The following SF3A3 variants were observed in gnomAD, a reference collection of about 807,000 sequenced individuals.
SF3A3 encodes splicing factor 3a subunit 3, also known as SAP 61.
A neutral mutation model predicts 85.8 loss-of-function variants in SF3A3; 9 were observed. The observed-to-expected ratio is 0.10, with a 90% CI of 0.06 to 0.18. SF3A3 has a LOEUF of 0.18. Ranked by LOEUF, SF3A3 falls within the 10% of genes least tolerant of loss-of-function variation. The probability of loss-of-function intolerance (pLI) is 1.00; values close to 1 mark genes in which losing one functional copy is unlikely to be tolerated. For synonymous variants in SF3A3, 195 were observed against 204.4 expected (o/e 0.95, Z 0.39); for missense variants, 306 against 593.3 (o/e 0.52, Z 5.03).
chr1:37,986,606 T>TA (rs529308156), intron 4 of SF3A3, among the ~76,000 whole-genome samples: 71 of 152,076 alleles, frequency 4.7e-4, no homozygotes, highest in African/African-American at 1.6e-3. Context: ...GGTCAGGAGA[T>TA]AGAGACTATC....
In SF3A3 at chr1:37,969,698, T is replaced by C. The variant is rs1646325327; in HGVS notation, c.1043A>G (p.Lys348Arg). The C allele has an allele frequency of 6.2e-7, 1 of 1,614,196 alleles. No individual in the cohort carries two copies. The highest frequency in any genetic ancestry group is 8.5e-7 in the Non-Finnish European group (1 of 1,180,022). The change falls in exon 13 of 17, where the codon AAG becomes AGG. Residue 348 changes from lysine to arginine, a missense_variant. Physicochemically the swap from Lys to Arg is conservative, Grantham distance 26. Around this residue, in one of 4 missense-constraint regions of SF3A3, gnomAD observed 136 missense variants for 296.6 expected, o/e 0.46. Transcript: ENST00000373019. Reference sequence around the variant, plus strand: ...TCGCTCTTCTCCTGTCCTGGCTTGCTTGCGCTGTACATTTTCATGAGTGAG... The same window carrying C: ...TCGCTCTTCTCCTGTCCTGGCTTGCCTGCGCTGTACATTTTCATGAGTGAG... ...RHLTHENVQR[K>R]QARTGEEREE... is the part of the protein sequence containing the mutation.
chr1:37,989,116 G>T (rs1250253240), intron 2 of SF3A3, among the ~76,000 whole-genome samples: 1 of 151,786 alleles, frequency 6.6e-6, no homozygotes, highest in Non-Finnish European at 1.5e-5. Flanking sequence ...ATGTTTAGTA[G>T]AAACTCCGTC....
chr1:37,957,402 TGA>T lies in SF3A3; in HGVS notation c.*782_*783del. 1 of 133,284 alleles carries T rather than the reference TGA, an allele frequency of 7.5e-6. No individual in the cohort carries two copies. Among genetic ancestry groups the T allele is most frequent in the Non-Finnish European group, 1.6e-5 (1 of 62,144 alleles). 8.3% of individuals were successfully genotyped at this position (133,284 alleles called of 1,614,324 possible). On this transcript the variant is annotated 3_prime_UTR_variant, in exon 17 of 17. Coordinates refer to ENST00000373019, the MANE Select transcript of SF3A3 (RefSeq NM_006802.4). Reference sequence around the variant, plus strand: ...CCCCCCCCCCCCCTTTTTTTTTTTTTGAGATGGGGCCTCACTATATCGCCCAG... The same window carrying T: ...CCCCCCCCCCCCCTTTTTTTTTTTTTGATGGGGCCTCACTATATCGCCCAG...
At chr1:37,978,639 A>T in intron 11 of SF3A3, 81 bp downstream of exon 11, 1 of 826,490 alleles carries the variant, frequency 1.2e-6, no homozygotes, top group Non-Finnish European at 1.9e-6. Context: ...AGCAGGCTTT[A>T]AAGTCTCCAC....
At chr1:37,981,956 G>C (rs1304430601) in intron 6 of SF3A3, 145 bp from the exon 7 acceptor site, 5 of 568,380 alleles carry the variant, frequency 8.8e-6, no homozygotes, top group Non-Finnish European at 1.5e-5. Context: ...TTTTTTGCTT[G>C]CCTATCATTC....
rs150561786 is a variant in SF3A3, at chr1:37,969,447, C to G, written c.1188G>C (p.Leu396=). The G allele has an allele frequency of 3.1e-6, 5 of 1,613,432 alleles. No individual in the cohort carries two copies. The highest frequency in any genetic ancestry group is 3.3e-5 in the Admixed American group (2 of 60,008). ...TGATATTTAGGCCATGAAGCTTATA[C>G]AGCCAGTAGGGAATAGGCTAAAAAA... The part of the protein sequence containing the change: ...GWDGKPIPYW[L]YKLHGLNINY... Residue 396 remains leucine (L), a synonymous_variant, in exon 14 of 17, where the codon CTG becomes CTC. Transcript: ENST00000373019.
intron 15 of SF3A3, among the ~76,000 whole-genome samples, chr1:37,967,282 G>A (rs549066083): frequency 3.4e-5 from 5 of 147,336 alleles, no homozygotes; most frequent in Admixed American, 6.9e-5. Flanking sequence ...GGTGGCTCAC[G>A]CCTATAATCC....
chr1:37,966,109 A>C (rs937437291), intron 15 of SF3A3, among the ~76,000 whole-genome samples: 1 of 152,138 alleles, frequency 6.6e-6, no homozygotes, highest in African/African-American at 2.4e-5. Context: ...AGGCTGAGGC[A>C]GGAGAATCGC....
intron 15 of SF3A3, among the ~76,000 whole-genome samples, chr1:37,965,090 G>A (rs1570455449): frequency 2.0e-5 from 3 of 151,810 alleles, no homozygotes; most frequent in Admixed American, 2.0e-4. Flanking sequence ...CCCAGGAGGC[G>A]AAGGTTGCAG....
At chr1:37,982,968 C>T (rs1646430316) in intron 6 of SF3A3, among the ~76,000 whole-genome samples, 2 of 151,436 alleles carry the variant, frequency 1.3e-5, no homozygotes, top group African/African-American at 4.9e-5. Context: ...GAGTTTTGCT[C>T]TTGTTGCCCA....
intron 4 of SF3A3, among the ~76,000 whole-genome samples, 159 bp downstream of exon 4, chr1:37,987,414 C>T (rs1646464732): frequency 6.6e-6 from 1 of 152,196 alleles, no homozygotes; most frequent in African/African-American, 2.4e-5. Context: ...ATACTGAAAA[C>T]ACTGTATTGT....
intron 15 of SF3A3, among the ~76,000 whole-genome samples, chr1:37,964,093 C>T (rs373963513): frequency 2.6e-5 from 4 of 151,756 alleles, no homozygotes; most frequent in South Asian, 2.1e-4. Flanking sequence ...ACAGAAGAAT[C>T]GCTTTAACCC....
chr1:37,967,677 CAAAAAAAAAAAAAAAAAAA>C (rs34369006), intron 15 of SF3A3, among the ~76,000 whole-genome samples: 2 of 44,236 alleles, frequency 4.5e-5, no homozygotes, highest in South Asian at 1.7e-3. Context: ...GACTCCGTCA[CAAAAAAAAAAAAAAAAAAA>C]AAAAAAAAAA....
chr1:37,976,483 G>GA (rs1437555772), intron 12 of SF3A3, among the ~76,000 whole-genome samples: 1 of 152,110 alleles, frequency 6.6e-6, no homozygotes, highest in Non-Finnish European at 1.5e-5. Context: ...TGACTTACAT[G>GA]AGATGACTTA....
At chr1:37,965,047 A>ACAATT (rs2148715991) in intron 15 of SF3A3, among the ~76,000 whole-genome samples, 1 of 152,248 alleles carries the variant, frequency 6.6e-6, no homozygotes, top group South Asian at 2.1e-4. Flanking sequence ...GGTCCCAGCT[A>ACAATT]CTTGGGAGGT....
chr1:37,983,925 A>C (rs142062493), intron 6 of SF3A3, among the ~76,000 whole-genome samples: 2 of 152,166 alleles, frequency 1.3e-5, no homozygotes, highest in African/African-American at 2.4e-5. Flanking sequence ...CAACATGGTA[A>C]GACCTCATCT....
chr1:37,968,097 A>G lies in SF3A3; in HGVS notation c.1319T>C (p.Ile440Thr). ...RHAHGMRCLG[I>T]PNTAHFANVT... The stretch of plus-strand genomic sequence containing the variant: ...ATTAGCAAAGTGAGCAGTGTTTGGG[A>G]TGCCCAAACACCTCATGCCATGAGC... Residue 440 changes from isoleucine to threonine, a missense_variant, in exon 15 of 17, where the codon ATC becomes ACC. Around this residue, in one of 4 missense-constraint regions of SF3A3, gnomAD observed 18 missense variants for 77.4 expected, o/e 0.23. Coordinates refer to ENST00000373019, the MANE Select transcript of SF3A3 (RefSeq NM_006802.4). 1 of 1,612,868 alleles carries G rather than the reference A, an allele frequency of 6.2e-7. No individual in the cohort carries two copies. Among genetic ancestry groups the G allele is most frequent in the Non-Finnish European group, 8.5e-7 (1 of 1,178,914 alleles).
Position 37,987,601 on chromosome 1 carries a change from T to C in SF3A3, c.275A>G (p.Lys92Arg). Residue 92 changes from lysine to arginine, a missense_variant, in exon 4 of 17, where the codon AAG (lysine) becomes AGG (arginine). Transcript: ENST00000373019. ...ATTTGGGTGCTTCCGGTGGAATTCC[T>C]TTATTTGCTTGAGTCTATTATAGAA... is the stretch of plus-strand genomic sequence containing the variant. ...AEFYNRLKQI[K>R]EFHRKHPNEI... 1 of 1,613,954 alleles carries C rather than the reference T, an allele frequency of 6.2e-7. No individual in the cohort carries two copies. Among genetic ancestry groups the C allele is most frequent in the Non-Finnish European group, 8.5e-7 (1 of 1,179,810 alleles).
chr1:37,981,080 C>G (rs112664048), intron 7 of SF3A3, among the ~76,000 whole-genome samples: 4,320 of 152,010 alleles, frequency 0.028, 173 homozygotes, highest in African/African-American at 0.089. Context: ...AACTCCTGAC[C>G]TCAGGTGATC....
Sources: allele counts gnomAD v4.1 joint callset (sites outside exome capture counted in the v4.1 genomes callset), GRCh38; gene constraint gnomAD v4.1.1; regional missense constraint gnomAD v4.1.1; transcripts MANE v1.5; gene names NCBI Gene and HGNC (gene_info 2026-07-23, HGNC 2026-07-21).